The following IRF6 variants were observed in gnomAD, a reference collection of about 807,000 sequenced individuals.
IRF6 encodes interferon regulatory factor 6.
Under a neutral mutation model 51.4 loss-of-function variants are expected in IRF6, and 6 were observed. The observed-to-expected ratio is 0.12, with a 90% confidence interval of 0.06 to 0.23. The LOEUF is 0.23. Ranked by LOEUF, IRF6 falls within the 10% of genes least tolerant of loss-of-function variation. IRF6 has a pLI of 1.00. For missense variants in IRF6, 348 were observed against 585.2 expected (o/e 0.59, Z 4.18); for synonymous variants, 178 against 215.7 (o/e 0.83, Z 1.53).
rs896480044 is a variant in IRF6, at chr1:209,790,980, T to G, written c.668-93A>C. ...GCAAGTCCATTAAGATCAAGCCACC[T>G]TTCAACCAGCATTCAGGAAGGCCAC... is the stretch of plus-strand genomic sequence containing the variant. On this transcript the variant is annotated intron_variant, in intron 6 of 8. Transcript: ENST00000367021. This position sits in a 1 kb window ranked among gnomAD's most constrained non-coding sequence, Gnocchi z 4.8. 6.2e-7 allele frequency: 1 copy of G among 1,602,358 alleles called. No homozygotes were observed. The highest frequency in any genetic ancestry group is 1.3e-5 in the African/African-American group (1 of 74,822).
At chr1:209,788,736 G>A in intron 8 of IRF6, 92 bp from the exon 9 acceptor site, 1 of 973,132 alleles carries the variant, frequency 1.0e-6, no homozygotes, top group South Asian at 1.4e-5. Context: ...AGACCAAAGA[G>A]GCCCTGAGGA....
At chr1:209,800,019 C>G (rs1382452863) in intron 3 of IRF6, among the ~76,000 whole-genome samples, 3 of 152,192 alleles carry the variant, frequency 2.0e-5, no homozygotes, top group African/African-American at 7.2e-5. Flanking sequence ...CCAATTTCAG[C>G]AAGGACCCAA....
At position 209,788,653 on chromosome 1, in the gene IRF6, G is replaced by T. The variant is rs377693826; in HGVS notation, c.1180-9C>A. The T allele has an allele frequency of 5.6e-5, 90 of 1,602,976 alleles. No individual in the cohort carries two copies. Among genetic ancestry groups the T allele is most frequent in the Non-Finnish European group, 7.1e-5 (83 of 1,169,930 alleles). On this transcript the variant is annotated splice_polypyrimidine_tract_variant and intron_variant, in intron 8 of 8. Transcript: ENST00000367021. The stretch of plus-strand genomic sequence containing the variant: ...GCCACTACTGGAATGACCTGTTCAG[G>T]ACACAGAACACAGGTGTATCCTCTG...
Position 209,788,464 on chromosome 1 carries a change from G to T in IRF6, c.1360C>A (p.Pro454Thr). Residue 454 changes from proline (P) to threonine (T), a missense_variant, in exon 9 of 9, where the codon CCC becomes ACC. By Grantham distance (38) the Pro-to-Thr change is conservative (BLOSUM62 -1). Around this residue, in one of 5 missense-constraint regions of IRF6, gnomAD observed 48 missense variants for 66.9 expected, o/e 0.72. Coordinates refer to ENST00000367021, the MANE Select transcript of IRF6 (RefSeq NM_006147.4). ...GGGGGCAGTTGCATGCTGGGGGTGG[G>T]CTGCATGGGCTGCCAGCTCTCCTGG... ...QTQESWQPMQ[P>T]TPSMQLPPAL... is the part of the protein sequence containing the mutation. 6.2e-7 allele frequency: 1 copy of T among 1,613,924 alleles called. No homozygotes were observed. The highest frequency in any genetic ancestry group is 8.5e-7 in the Non-Finnish European group (1 of 1,179,946).
rs546283010 is a variant in IRF6 at position 209,803,028 on chromosome 1, G to T, written c.-75-985C>A. Among the ~76,000 whole-genome samples the T allele has an allele frequency of 3.3e-5, 5 of 152,304 alleles. No homozygotes were observed. In the East Asian group the frequency reaches 5.8e-4, roughly 18 times the overall value. On this transcript the variant is annotated intron_variant, in intron 1 of 8. Coordinates refer to ENST00000367021, the MANE Select transcript of IRF6 (RefSeq NM_006147.4). The stretch of plus-strand genomic sequence containing the variant: ...CCTGCAACTGAAACCTTCCCCCTGG[G>T]AGCATAGTGGGTAGGTCAGGTTGGC...
chr1:209,804,861 AAC>A (rs2077964351), intron 1 of IRF6, among the ~76,000 whole-genome samples: 1 of 152,156 alleles, frequency 6.6e-6, no homozygotes, highest in African/African-American at 2.4e-5. Flanking sequence ...CTCAGGTTAA[AAC>A]ACACGCCATT....
intron 3 of IRF6, among the ~76,000 whole-genome samples, chr1:209,798,024 CT>C (rs2077914579): frequency 6.6e-6 from 1 of 152,210 alleles, no homozygotes; most frequent in Non-Finnish European, 1.5e-5. Flanking sequence ...TTTGAGAGCT[CT>C]GATCTCCTTC....
intron 1 of IRF6, among the ~76,000 whole-genome samples, chr1:209,803,489 A>C (rs764980769): frequency 1.3e-5 from 2 of 152,220 alleles, no homozygotes; most frequent in Non-Finnish European, 2.9e-5. Context: ...ATGGGAAAGG[A>C]GAAGCAGCCA....
rs1186734278 is a variant in IRF6 at position 209,796,234 on chromosome 1, C to T, written c.379+114G>A. On this transcript the variant is annotated intron_variant, in intron 4 of 8. Coordinates refer to ENST00000367021, the MANE Select transcript of IRF6 (RefSeq NM_006147.4). The surrounding 1 kb of genome is among the most constrained non-coding windows in gnomAD (Gnocchi z 4.5). ...TCCTTCCCAGAGAAAGGCTTTCTTG[C>T]TTTATCCATCTTAAACTGTGTAAAT... 2 of 864,590 alleles carry T rather than the reference C, an allele frequency of 2.3e-6. No homozygotes were observed. Among genetic ancestry groups the T allele is most frequent in the African/African-American group, 1.7e-5 (1 of 59,330 alleles). The allele number at this position is 864,590 out of a possible 1,614,324, so 53.6% of individuals were successfully genotyped here.
rs73091666 is a variant in IRF6, at chr1:209,790,200, G to C, written c.1060+295C>G. Among the ~76,000 whole-genome samples, 2,742 of 152,314 alleles carry C rather than the reference G, an allele frequency of 0.018. 99 individuals carry two copies. Among genetic ancestry groups the C allele is most frequent in the African/African-American group, 0.062 (2,595 of 41,566 alleles). ...ACCTTCCAAAGTTAAAGACACGCTG[G>C]TAACATTTGAGGTGTAATGACAGGG... On this transcript the variant is annotated intron_variant, in intron 7 of 8. Transcript: ENST00000367021. The surrounding 1 kb of genome is among the most constrained non-coding windows in gnomAD (Gnocchi z 4.8).
In IRF6 at chr1:209,796,597, A is replaced by C. The variant is rs766459955; in HGVS notation, c.175-45T>G. 3.4e-6 allele frequency: 5 copies of C among 1,468,434 alleles called. 1 individual carries two copies. Among genetic ancestry groups the C allele is most frequent in the Non-Finnish European group, 4.8e-6 (5 of 1,050,400 alleles). 91.0% of individuals were successfully genotyped at this position (1,468,434 alleles called of 1,614,324 possible). On this transcript the variant is annotated intron_variant, in intron 3 of 8. Transcript: ENST00000367021. The surrounding 1 kb of genome is among the most constrained non-coding windows in gnomAD (Gnocchi z 4.5). The stretch of plus-strand genomic sequence containing the variant: ...GTGAGTCCTATCATTGCCCAGAGCC[A>C]CTGCAAAGCATGTGCTTACCCTTTC...
intron 3 of IRF6, among the ~76,000 whole-genome samples, chr1:209,797,800 C>T (rs2077912521): frequency 6.6e-6 from 1 of 152,192 alleles, no homozygotes; most frequent in Non-Finnish European, 1.5e-5. Flanking sequence ...CACTCTCCCC[C>T]ATTGCTAACA....
Position 209,788,253 on chromosome 1 carries a change from T to C in IRF6, c.*167A>G. 2 of 621,020 alleles carry C rather than the reference T, an allele frequency of 3.2e-6. No individual in the cohort carries two copies. The highest frequency in any genetic ancestry group is 2.0e-5 in the South Asian group (1 of 49,638). 38.5% of individuals were successfully genotyped at this position (621,020 alleles called of 1,614,324 possible). A position where few individuals can be genotyped will look rare whatever the true frequency, so the allele number is the denominator to read the frequency against. The stretch of plus-strand genomic sequence containing the variant: ...AAGAAAAGCAAAGTCTGAAGGGTGA[T>C]TTTTCCATAAATTAAATCAGCTTTA... On this transcript the variant is annotated 3_prime_UTR_variant, in exon 9 of 9. Coordinates refer to ENST00000367021, the MANE Select transcript of IRF6 (RefSeq NM_006147.4).
chr1:209,801,474 A>G, intron 2 of IRF6, 58 bp from the exon 3 acceptor site: 1 of 1,393,342 alleles, frequency 7.2e-7, no homozygotes, highest in Non-Finnish European at 9.7e-7. Context: ...GCCACTGGGA[A>G]CCCTTCCCAG....
Position 209,796,634 on chromosome 1 carries a change from A to AC in IRF6, c.175-83_175-82insG, listed in dbSNP as rs1647287447. ...GTGCTTACCCTTTCTCATAGACACA[A>AC]ACACACACACACACACACACACACA... On this transcript the variant is annotated intron_variant, in intron 3 of 8. Coordinates refer to ENST00000367021, the MANE Select transcript of IRF6 (RefSeq NM_006147.4). This position sits in a 1 kb window ranked among gnomAD's most constrained non-coding sequence, Gnocchi z 4.5. 45 of 586,866 alleles carry AC rather than the reference A, an allele frequency of 7.7e-5. No homozygotes were observed. Among genetic ancestry groups the AC allele is most frequent in the South Asian group, 7.4e-5 (4 of 54,086 alleles). The allele number at this position is 586,866 out of a possible 1,614,324, so 36.4% of individuals were successfully genotyped here. A position where few individuals can be genotyped will look rare whatever the true frequency, so the allele number is the denominator to read the frequency against.
rs1571977196 is a variant in IRF6 at position 209,786,561 on chromosome 1, C to T, written c.*1859G>A. ...GGGCAGCCAAATATCAAGCCCAAAT[C>T]CCTCACTTCACCTACTCAACAAAAT... On this transcript the variant is annotated 3_prime_UTR_variant, in exon 9 of 9. Coordinates refer to ENST00000367021, the MANE Select transcript of IRF6 (RefSeq NM_006147.4). 1 of 152,126 alleles carries T rather than the reference C, an allele frequency of 6.6e-6. No individual in the cohort carries two copies. The highest frequency in any genetic ancestry group is 1.5e-5 in the Non-Finnish European group (1 of 68,028). 9.4% of individuals were successfully genotyped at this position (152,126 alleles called of 1,614,324 possible).
At chr1:209,797,955 C>T (rs2077914277) in intron 3 of IRF6, among the ~76,000 whole-genome samples, 3 of 152,206 alleles carry the variant, frequency 2.0e-5, no homozygotes. Flanking sequence ...CAATCCCTTC[C>T]TCTGATTCTG....
At chr1:209,802,794 G>A (rs776147876) in intron 1 of IRF6, among the ~76,000 whole-genome samples, 1 of 152,184 alleles carries the variant, frequency 6.6e-6, no homozygotes, top group Non-Finnish European at 1.5e-5. Context: ...GGAATAAACT[G>A]TGCCAGGTGG....
chr1:209,789,435 T>C (rs2077855443), intron 8 of IRF6, among the ~76,000 whole-genome samples: 1 of 151,688 alleles, frequency 6.6e-6, no homozygotes, highest in Non-Finnish European at 1.5e-5. Context: ...AGCAAGACTC[T>C]AAGGTTAGTA....
Sources: allele counts gnomAD v4.1 joint callset (sites outside exome capture counted in the v4.1 genomes callset), GRCh38; gene constraint gnomAD v4.1.1; regional missense constraint gnomAD v4.1.1; non-coding constraint Gnocchi (gnomAD v3.1); transcripts MANE v1.5; gene names NCBI Gene and HGNC (gene_info 2026-07-23, HGNC 2026-07-21).